GBP7: variants seen among roughly 807,000 people sequenced by gnomAD.
The protein encoded by GBP7 is guanylate-binding protein 7.
Under a neutral mutation model 61.3 loss-of-function variants are expected in GBP7, and 43 were observed. The observed-to-expected ratio is 0.70, with a 90% CI of 0.55 to 0.91. The LOEUF is 0.91. Among genes scored for constraint, GBP7 ranks in the 40% least tolerant of loss-of-function variants. GBP7 has a pLI of 0.00. For missense variants in GBP7, 717 were observed against 740.5 expected (o/e 0.97, Z 0.37); for synonymous variants, 267 against 271.0 (o/e 0.99, Z 0.14).
intron 8 of GBP7, among the ~76,000 whole-genome samples, chr1:89,144,042 T>A (rs968363804): frequency 6.6e-5 from 10 of 152,198 alleles, no homozygotes; most frequent in African/African-American, 2.4e-4. Flanking sequence ...CTCCTCCCTC[T>A]TGTATTCCCC....
At chr1:89,134,811 T>A (rs918035748) in intron 9 of GBP7, among the ~76,000 whole-genome samples, 1 of 151,980 alleles carries the variant, frequency 6.6e-6, no homozygotes, top group African/African-American at 2.4e-5. Context: ...TCCAAATGAG[T>A]CCACTAGCTC....
chr1:89,162,550 T>C (rs1370357779), intron 3 of GBP7, among the ~76,000 whole-genome samples: 1 of 152,212 alleles, frequency 6.6e-6, no homozygotes, highest in Non-Finnish European at 1.5e-5. Flanking sequence ...GTTCCTGATT[T>C]GGCTTTCAGC....
At chr1:89,160,835 G>A (rs1204336771) in intron 3 of GBP7, among the ~76,000 whole-genome samples, 1 of 152,060 alleles carries the variant, frequency 6.6e-6, no homozygotes, top group East Asian at 1.9e-4. Context: ...TGTTACATAG[G>A]TAGACTTGTG....
chr1:89,142,058 T>C (rs1681967353), intron 8 of GBP7, among the ~76,000 whole-genome samples: 1 of 152,230 alleles, frequency 6.6e-6, no homozygotes, highest in Non-Finnish European at 1.5e-5. Flanking sequence ...AGCTCTTACC[T>C]CACTGGAAGC....
chr1:89,141,631 C>T lies in GBP7; in HGVS notation c.1383G>A (p.Gln461=), dbSNP rs1420987503. Residue 461 remains glutamine, a synonymous_variant, in exon 9 of 11, where the codon CAG becomes CAA. Coordinates refer to ENST00000294671, the MANE Select transcript of GBP7 (RefSeq NM_207398.3). The part of the protein sequence containing the change: ...RKGVKADEVL[Q]SFLQSQVVIE... ...TAACCACCTGTGACTGCAGGAAGCT[C>T]TGGAGGACCTCGTCTGCCTGAAGAA... 1 of 1,613,806 alleles carries T rather than the reference C, an allele frequency of 6.2e-7. No individual in the cohort carries two copies. The highest frequency in any genetic ancestry group is 2.2e-5 in the East Asian group (1 of 44,880).
intron 3 of GBP7, among the ~76,000 whole-genome samples, chr1:89,156,769 C>G (rs1468085336): frequency 6.6e-6 from 1 of 152,182 alleles, no homozygotes; most frequent in African/African-American, 2.4e-5. Context: ...GAGACTTTAA[C>G]ACCCCACTGT....
rs752268428 is a variant in GBP7, at chr1:89,171,817, A to G, written c.119T>C (p.Val40Ala). ...ILSAITQPVV[V>A]VAIVGLYRTG... ...GCGGTAGAGGCCCACAATTGCCACC[A>G]CTACTACAGGCTGTGTAATGGCAGA... The change falls in exon 2 of 11, where the codon GTG (valine) becomes GCG (alanine). Residue 40 changes from valine (V) to alanine (A), a missense_variant. Coordinates refer to ENST00000294671, the MANE Select transcript of GBP7 (RefSeq NM_207398.3). The G allele has an allele frequency of 1.9e-6, 3 of 1,613,782 alleles. No homozygotes were observed. The highest frequency in any genetic ancestry group is 4.5e-5 in the East Asian group (2 of 44,872).
intron 5 of GBP7, 29 bp downstream of exon 5, chr1:89,152,239 C>A: frequency 6.2e-7 from 1 of 1,602,212 alleles, no homozygotes; most frequent in Non-Finnish European, 8.5e-7. Flanking sequence ...GCTACTGAAC[C>A]TTCTCCCATC....
chr1:89,135,635 G>A (rs1374865396), intron 9 of GBP7, among the ~76,000 whole-genome samples: 1 of 152,074 alleles, frequency 6.6e-6, no homozygotes, highest in African/African-American at 2.4e-5. Context: ...TTTTAGACAA[G>A]CAAATGCTAA....
chr1:89,149,678 T>C (rs558709199), intron 6 of GBP7, 106 bp from the exon 7 acceptor site: 1 of 942,426 alleles, frequency 1.1e-6, no homozygotes, highest in East Asian at 2.7e-5. Flanking sequence ...CCATTTAACA[T>C]GAATTTTCCC....
At chr1:89,141,038 C>T (rs139987652) in intron 9 of GBP7, among the ~76,000 whole-genome samples, 9 of 152,142 alleles carry the variant, frequency 5.9e-5, no homozygotes, top group Non-Finnish European at 1.3e-4. Context: ...ACACCAGGAC[C>T]TACTTGAGGG....
In GBP7 at chr1:89,150,369, T is replaced by G. The variant is rs764195391; in HGVS notation, c.832A>C (p.Thr278Pro). The G allele has an allele frequency of 6.2e-7, 1 of 1,614,008 alleles. No individual in the cohort carries two copies. The highest frequency in any genetic ancestry group is 8.5e-7 in the Non-Finnish European group (1 of 1,179,884). The change falls in exon 6 of 11, where the codon ACC (threonine) becomes CCC (proline). Residue 278 changes from threonine (T) to proline (P), a missense_variant. By Grantham distance (38) the Thr-to-Pro change is conservative (BLOSUM62 -1). Transcript: ENST00000294671. ...AGGATTCCCTCTCTCAGGGTCTTGGTCTTTGCATGGGTGAAGATATAAGAA... is the reference window on the plus strand; with the variant it reads ...AGGATTCCCTCTCTCAGGGTCTTGGGCTTTGCATGGGTGAAGATATAAGAA... ...FCSYIFTHAKTKTLREGILVT... is the reference protein window; with the variant it reads ...FCSYIFTHAKPKTLREGILVT...
At chr1:89,153,940 T>G (rs534013985) in intron 3 of GBP7, among the ~76,000 whole-genome samples, 1 of 152,116 alleles carries the variant, frequency 6.6e-6, no homozygotes, top group Non-Finnish European at 1.5e-5. Context: ...AGAACCCAAG[T>G]CAAAATTGTT....
Position 89,132,270 on chromosome 1 carries a change from AC to A in GBP7, c.1795del (p.Val599TrpfsTer16). Reference protein sequence around the residue: ...EPSVFSQILDVAGSIFIAALP... With the variant: ...EPSVFSQILDXAGSIFIAALP... ...TGCTGCAATAAATATACTGCCAGCC[AC>A]ATCAAGAATCTGTGAAAACACTGAG... On this transcript the variant is annotated frameshift_variant, in exon 11 of 11. Coordinates refer to ENST00000294671, the MANE Select transcript of GBP7 (RefSeq NM_207398.3). LOFTEE classifies it low-confidence loss of function (END_TRUNC). The A allele has an allele frequency of 6.2e-7, 1 of 1,614,092 alleles. No homozygotes were observed.
intron 3 of GBP7, among the ~76,000 whole-genome samples, chr1:89,156,365 A>T (rs60873603): frequency 0.016 from 2,452 of 152,272 alleles, 56 homozygotes; most frequent in African/African-American, 0.055. Context: ...ATTAACCTTA[A>T]ATGTAAATGG....
chr1:89,174,538 C>T (rs549053458), intron 1 of GBP7, among the ~76,000 whole-genome samples: 83 of 152,210 alleles, frequency 5.5e-4, no homozygotes, highest in Non-Finnish European at 1.0e-3. Context: ...TAGTAATCTT[C>T]ACCTGGGAAA....
chr1:89,148,751 A>G (rs1215221467), intron 7 of GBP7, among the ~76,000 whole-genome samples: 1 of 152,184 alleles, frequency 6.6e-6, no homozygotes, highest in African/African-American at 2.4e-5. Context: ...CAGATGCCCT[A>G]AAAAGAACTT....
intron 7 of GBP7, among the ~76,000 whole-genome samples, chr1:89,148,617 A>G (rs947180623): frequency 1.3e-5 from 2 of 152,226 alleles, no homozygotes; most frequent in Non-Finnish European, 2.9e-5. Context: ...AATTAGAAAC[A>G]AGAGAAACAT....
intron 3 of GBP7, among the ~76,000 whole-genome samples, chr1:89,160,825 T>C (rs1647238031): frequency 6.6e-6 from 1 of 152,202 alleles, no homozygotes; most frequent in Non-Finnish European, 1.5e-5. Context: ...AACAGGGATT[T>C]GTTACATAGG....
Sources: allele counts gnomAD v4.1 joint callset (sites outside exome capture counted in the v4.1 genomes callset), GRCh38; gene constraint gnomAD v4.1.1; transcripts MANE v1.5; gene names NCBI Gene and HGNC (gene_info 2026-07-23, HGNC 2026-07-21).